The following SWAP70 variants were observed in gnomAD, a reference collection of about 807,000 sequenced individuals.
SWAP70 encodes switching B cell complex subunit SWAP70.
Under a neutral mutation model 80.2 loss-of-function variants are expected in SWAP70, and 34 were observed. The observed-to-expected ratio is 0.42, with a 90% CI of 0.32 to 0.56. The LOEUF (loss-of-function observed/expected upper bound fraction) is 0.56, where lower values mean the gene tolerates loss of function less well. Ranked by LOEUF, SWAP70 falls within the 20% of genes least tolerant of loss-of-function variation. The pLI is 0.09. For missense variants in SWAP70, 578 were observed against 690.7 expected, an observed-to-expected ratio of 0.84 and a Z score of 1.83; for synonymous variants, 239 against 238.5, an observed-to-expected ratio of 1.00 and a Z score of -0.02.
chr11:9,685,048 C>G (rs1850614068), intron 1 of SWAP70, among the ~76,000 whole-genome samples: 1 of 151,900 alleles, frequency 6.6e-6, no homozygotes, highest in Admixed American at 6.6e-5. Context: ...TGCAATATTT[C>G]ACTGGGGGGC....
chr11:9,671,104 T>A (rs1409330398), intron 1 of SWAP70, among the ~76,000 whole-genome samples: 1 of 136,794 alleles, frequency 7.3e-6, no homozygotes, highest in Non-Finnish European at 1.5e-5. Flanking sequence ...TATAAATATA[T>A]AAATATAAAA....
At chr11:9,686,273 TACAC>T (rs1314780398) in intron 1 of SWAP70, among the ~76,000 whole-genome samples, 4 of 151,886 alleles carry the variant, frequency 2.6e-5, no homozygotes, top group Non-Finnish European at 4.4e-5. Context: ...CATATGTAAA[TACAC>T]AGACATATAT....
rs765766393 is a variant in SWAP70 at position 9,724,649 on chromosome 11, T to C, written c.415-9T>C. On this transcript the variant is annotated splice_polypyrimidine_tract_variant and intron_variant, in intron 3 of 11. Transcript: ENST00000318950. ...ACTAGGAAATAATTATTTCACATTC[T>C]TTATGTAGATTGAATACCTGCTTAA... is the stretch of plus-strand genomic sequence containing the variant. The C allele has an allele frequency of 1.3e-6, 2 of 1,594,580 alleles. No homozygotes were observed. Among genetic ancestry groups the C allele is most frequent in the East Asian group, 2.2e-5 (1 of 44,680 alleles).
At chr11:9,680,319 T>G (rs1850551437) in intron 1 of SWAP70, among the ~76,000 whole-genome samples, 1 of 152,208 alleles carries the variant, frequency 6.6e-6, no homozygotes, top group Non-Finnish European at 1.5e-5. Flanking sequence ...GTTGACTGCT[T>G]GAAAATTCAT....
rs570943204 is a variant in SWAP70, at chr11:9,666,154, C to T, written c.99+1876C>T. On this transcript the variant is annotated intron_variant, in intron 1 of 11. Coordinates refer to ENST00000318950, the MANE Select transcript of SWAP70 (RefSeq NM_015055.4). ...AGGCTGGAGTGCGGTGGTGTGATCT[C>T]GGCTCACTGCAACGTCTGTCTCCTA... is the stretch of plus-strand genomic sequence containing the variant. 6.0e-5 allele frequency among the ~76,000 whole-genome samples: 9 copies of T among 149,276 alleles called. No individual in the cohort carries two copies. The South Asian group carries it at 6.3e-4, about 11-fold the overall frequency.
chr11:9,711,833 G>C (rs1415078081), intron 2 of SWAP70, among the ~76,000 whole-genome samples: 1 of 152,118 alleles, frequency 6.6e-6, no homozygotes, highest in Non-Finnish European at 1.5e-5. Flanking sequence ...AATTCCTTTT[G>C]TTTTTAAAGG....
At position 9,673,823 on chromosome 11, in the gene SWAP70, A is replaced by G. The variant is rs370008387; in HGVS notation, c.99+9545A>G. 3.9e-5 allele frequency among the ~76,000 whole-genome samples: 6 copies of G among 152,286 alleles called. No individual in the cohort carries two copies. In the East Asian group the frequency reaches 1.2e-3, roughly 29 times the overall value. ...ACGGCCTGCCTTGGGGAGAAAAAGG[A>G]GCAGGCGAAAAAAGGGCAGAAGGTC... On this transcript the variant is annotated intron_variant, in intron 1 of 11. Coordinates refer to ENST00000318950, the MANE Select transcript of SWAP70 (RefSeq NM_015055.4).
At chr11:9,696,254 T>G (rs999279709) in intron 2 of SWAP70, among the ~76,000 whole-genome samples, 1 of 152,126 alleles carries the variant, frequency 6.6e-6, no homozygotes, top group African/African-American at 2.4e-5. Flanking sequence ...TTGGGTTGGA[T>G]CATTACAAAT....
intron 1 of SWAP70, among the ~76,000 whole-genome samples, chr11:9,686,112 A>C (rs1291609286): frequency 6.6e-6 from 1 of 151,812 alleles, no homozygotes; most frequent in African/African-American, 2.4e-5. Context: ...TAATACATAG[A>C]ATACTCAAAC....
intron 8 of SWAP70, among the ~76,000 whole-genome samples, 185 bp downstream of exon 8, chr11:9,738,505 A>G (rs746105695): frequency 2.0e-5 from 3 of 152,146 alleles, no homozygotes; most frequent in African/African-American, 4.8e-5. Flanking sequence ...AACACCTTCT[A>G]TGTGCCAGGC....
At chr11:9,710,439 CA>C (rs1850980125) in intron 2 of SWAP70, among the ~76,000 whole-genome samples, 1 of 152,076 alleles carries the variant, frequency 6.6e-6, no homozygotes, top group African/African-American at 2.4e-5. Context: ...AGGCAGAACA[CA>C]AAGGAGCTCT....
chr11:9,664,623 A>C (rs772738366), intron 1 of SWAP70, among the ~76,000 whole-genome samples: 1 of 152,160 alleles, frequency 6.6e-6, no homozygotes, highest in Non-Finnish European at 1.5e-5. Context: ...TGAGGCGGCA[A>C]TGGGAAGCTC....
intron 4 of SWAP70, among the ~76,000 whole-genome samples, chr11:9,725,502 T>C (rs1377576223): frequency 7.3e-6 from 1 of 137,622 alleles, no homozygotes; most frequent in Non-Finnish European, 1.5e-5. Flanking sequence ...GCCAGCATGT[T>C]GAAACCCTGT....
chr11:9,722,256 G>T (rs532583972), intron 3 of SWAP70, among the ~76,000 whole-genome samples: 5 of 152,252 alleles, frequency 3.3e-5, no homozygotes, highest in Admixed American at 1.3e-4. Flanking sequence ...GTTAATTTCA[G>T]TTTAGCAAAC....
intron 2 of SWAP70, among the ~76,000 whole-genome samples, chr11:9,708,690 C>T (rs1400335300): frequency 6.6e-6 from 1 of 152,210 alleles, no homozygotes; most frequent in Non-Finnish European, 1.5e-5. Flanking sequence ...AGAATCACTT[C>T]TTGTTCTCAG....
At chr11:9,685,194 A>G (rs1308874923) in intron 1 of SWAP70, among the ~76,000 whole-genome samples, 3 of 151,572 alleles carry the variant, frequency 2.0e-5, no homozygotes, top group African/African-American at 7.3e-5. Flanking sequence ...GCCTGCCACA[A>G]CCTCCATAGG....
chr11:9,709,336 C>G (rs954507985), intron 2 of SWAP70, among the ~76,000 whole-genome samples: 2 of 152,056 alleles, frequency 1.3e-5, no homozygotes, highest in African/African-American at 2.4e-5. Flanking sequence ...GCTATATTGC[C>G]TATATTGGTC....
At chr11:9,721,199 T>C (rs1851130917) in intron 3 of SWAP70, among the ~76,000 whole-genome samples, 1 of 152,192 alleles carries the variant, frequency 6.6e-6, no homozygotes, top group Non-Finnish European at 1.5e-5. Flanking sequence ...TTCTTAACAT[T>C]TTCTTTTTTT....
chr11:9,727,316 A>T (rs1299296552), intron 4 of SWAP70, among the ~76,000 whole-genome samples: 2 of 152,156 alleles, frequency 1.3e-5, no homozygotes, highest in Non-Finnish European at 2.9e-5. Flanking sequence ...TGAACCTAGG[A>T]GGCAGAGAGG....
Sources: gnomAD v4.1 joint callset for allele counts (sites outside exome capture counted in the v4.1 genomes callset) on GRCh38, gnomAD v4.1.1 for gene constraint, MANE v1.5 for transcripts, NCBI Gene and HGNC (gene_info 2026-07-23, HGNC 2026-07-21) for gene names.